Variants in KIAA0586 observed in about 807,000 individuals in gnomAD.
The protein encoded by KIAA0586 is KIAA0586.
In KIAA0586, 144 loss-of-function variants were observed where a neutral mutation model predicts 169.8. The observed-to-expected ratio is 0.85, with a 90% CI of 0.74 to 0.97. KIAA0586 has a LOEUF of 0.97. KIAA0586 is among the 50% of genes least tolerant of loss of function. The pLI is 0.00. For synonymous variants in KIAA0586, 625 were observed against 612.4 expected (o/e 1.02, Z -0.30); for missense variants, 1,854 against 1,823.0 (o/e 1.02, Z -0.31).
intron 14 of KIAA0586, among the ~76,000 whole-genome samples, 183 bp downstream of exon 14, chr14:58,461,343 A>G (rs1233520011): frequency 2.0e-5 from 3 of 152,250 alleles, no homozygotes; most frequent in Non-Finnish European, 4.4e-5. Context: ...TTTAAAAAAG[A>G]CACAAGATAG....
At chr14:58,490,314 G>T in intron 25 of KIAA0586, 74 bp downstream of exon 25, 1 of 786,066 alleles carries the variant, frequency 1.3e-6, no homozygotes. Flanking sequence ...CACTGATCAG[G>T]TTTTTTCTCA....
At chr14:58,521,243 C>T (rs1240988326) in intron 29 of KIAA0586, 4 of 1,095,886 alleles carry the variant, frequency 3.7e-6, no homozygotes, top group Non-Finnish European at 5.4e-6. Flanking sequence ...ACGTTGCCGA[C>T]AAGACGGATC....
intron 8 of KIAA0586, among the ~76,000 whole-genome samples, chr14:58,452,513 A>G (rs2039472883): frequency 6.6e-6 from 1 of 152,228 alleles, no homozygotes; most frequent in South Asian, 2.1e-4. Context: ...CTACATACAA[A>G]CAAGGCTAAA....
At chr14:58,527,229 T>C (rs1002231905) in intron 29 of KIAA0586, among the ~76,000 whole-genome samples, 4 of 152,110 alleles carry the variant, frequency 2.6e-5, no homozygotes, top group Admixed American at 2.6e-4. Context: ...CTACATCTGA[T>C]TGGTGTACCT....
In KIAA0586 at chr14:58,478,908, A is replaced by G. The variant is rs377406167; in HGVS notation, c.2944+1667A>G. The stretch of plus-strand genomic sequence containing the variant: ...TGACAATCATGCTATTGCATGTAGT[A>G]ATAGTATAATGTATAGATATACCAT... On this transcript the variant is annotated intron_variant, in intron 20 of 30. Transcript: ENST00000652326. 3.3e-5 allele frequency among the ~76,000 whole-genome samples: 5 copies of G among 152,346 alleles called. 1 individual carries two copies. The highest frequency in any genetic ancestry group is 1.5e-5 in the Non-Finnish European group (1 of 68,026).
intron 25 of KIAA0586, 35 bp downstream of exon 25, chr14:58,490,275 C>T (rs1437195916): frequency 1.7e-5 from 21 of 1,209,934 alleles, no homozygotes; most frequent in African/African-American, 6.2e-5. Flanking sequence ...TGAATTCTGA[C>T]AGGAAGAATA....
chr14:58,480,348 A>T (rs1433148148), intron 20 of KIAA0586, among the ~76,000 whole-genome samples: 41 of 470 alleles, frequency 0.087, no homozygotes, highest in Admixed American at 0.25. Flanking sequence ...TCCTCTTTTA[A>T]AAAAAAAAAA....
intron 29 of KIAA0586, among the ~76,000 whole-genome samples, chr14:58,535,904 T>C (rs532186707): frequency 6.6e-6 from 1 of 152,238 alleles, no homozygotes; most frequent in Non-Finnish European, 1.5e-5. Context: ...AACAGCCTTA[T>C]AGTTTTATGC....
the KIAA0586 span, among the ~76,000 whole-genome samples, chr14:58,556,426 A>G: frequency 6.6e-6 from 1 of 152,212 alleles, no homozygotes; most frequent in Non-Finnish European, 1.5e-5. Flanking sequence ...TGCAAATATA[A>G]TTTATATAGT....
intron 25 of KIAA0586, 25 bp from the exon 26 acceptor site, chr14:58,492,119 T>A: frequency 2.7e-6 from 4 of 1,463,826 alleles, no homozygotes; most frequent in Non-Finnish European, 3.6e-6. Context: ...TTTATTTTTA[T>A]TAATTGTCTT....
Position 58,487,957 on chromosome 14 carries a change from G to T in KIAA0586, c.3375G>T (p.Ala1125=). The T allele has an allele frequency of 6.2e-7, 1 of 1,613,550 alleles. No homozygotes were observed. The highest frequency in any genetic ancestry group is 1.1e-5 in the South Asian group (1 of 91,038). The change falls in exon 23 of 31, where the codon GCG becomes GCT. Residue 1125 remains alanine (A), a synonymous_variant. Transcript: ENST00000652326. ...CCCCTACTACTACACCTCCTCCAGC[G>T]GCGGCAGTTTTTACCCCAACTTTGT... ...TVTPTTTPPP[A]AAVFTPTLSD...
chr14:58,529,529 C>G (rs1358078571), intron 29 of KIAA0586, among the ~76,000 whole-genome samples: 1 of 152,142 alleles, frequency 6.6e-6, no homozygotes, highest in African/African-American at 2.4e-5. Context: ...AGCTTCATCC[C>G]TGGGGTGCAA....
chr14:58,551,981 C>T (rs1445136807), downstream of KIAA0586, among the ~76,000 whole-genome samples: 1 of 152,054 alleles, frequency 6.6e-6, no homozygotes, highest in African/African-American at 2.4e-5. Flanking sequence ...GTATGAAGGA[C>T]ATGGGGTGTA....
At chr14:58,489,827 T>C (rs2042720589) in intron 24 of KIAA0586, among the ~76,000 whole-genome samples, 1 of 152,018 alleles carries the variant, frequency 6.6e-6, no homozygotes, top group Non-Finnish European at 1.5e-5. Flanking sequence ...TTTTCTTTGC[T>C]CTAAGTTCTA....
chr14:58,473,237 T>C (rs1487123521), intron 18 of KIAA0586, among the ~76,000 whole-genome samples: 3 of 152,030 alleles, frequency 2.0e-5, no homozygotes, highest in Non-Finnish European at 4.4e-5. Flanking sequence ...TAAAATGATG[T>C]GATATCTGTG....
intron 21 of KIAA0586, 117 bp from the exon 22 acceptor site, chr14:58,486,890 A>T: frequency 1.4e-6 from 1 of 705,624 alleles, no homozygotes; most frequent in Non-Finnish European, 2.1e-6. Flanking sequence ...GAGGTAGGGT[A>T]CTTAACCCTG....
At chr14:58,480,718 T>C (rs976405693) in intron 20 of KIAA0586, among the ~76,000 whole-genome samples, 1 of 152,224 alleles carries the variant, frequency 6.6e-6, no homozygotes, top group Non-Finnish European at 1.5e-5. Context: ...AGCCATACCC[T>C]ATATCCCAGC....
At chr14:58,476,978 G>A in intron 19 of KIAA0586, 145 bp from the exon 20 acceptor site, 1 of 549,676 alleles carries the variant, frequency 1.8e-6, no homozygotes, top group East Asian at 2.8e-5. Flanking sequence ...TTTTCTTCTA[G>A]ATTTAACTTT....
At chr14:58,506,542 ACAG>A (rs1476501574) in intron 27 of KIAA0586, among the ~76,000 whole-genome samples, 1 of 151,738 alleles carries the variant, frequency 6.6e-6, no homozygotes, top group Non-Finnish European at 1.5e-5. Context: ...CAAAAATTAG[ACAG>A]GTGTGGTGGC....
Sources: gnomAD v4.1 joint callset for allele counts (sites outside exome capture counted in the v4.1 genomes callset) on GRCh38, gnomAD v4.1.1 for gene constraint, MANE v1.5 for transcripts, NCBI Gene and HGNC (gene_info 2026-07-23, HGNC 2026-07-21) for gene names.